The following IQGAP3 variants were observed in gnomAD, a reference collection of about 807,000 sequenced individuals.
IQGAP3 encodes IQ motif containing GTPase activating protein 3, also known as ras GTPase-activating-like protein IQGAP3.
In IQGAP3, 165 loss-of-function variants were observed where a neutral mutation model predicts 208.2. The ratio of observed to expected loss-of-function variants is 0.79; its 90% CI spans 0.70 to 0.90. IQGAP3 has a LOEUF of 0.90. Among genes scored for constraint, IQGAP3 ranks in the 40% least tolerant of loss-of-function variants. IQGAP3 has a pLI of 0.00. For missense variants in IQGAP3, 1,811 were observed against 2,043.1 expected (o/e 0.89, Z 2.19); for synonymous variants, 703 against 803.6 (o/e 0.87, Z 2.12).
intron 27 of IQGAP3, among the ~76,000 whole-genome samples, chr1:156,536,023 TC>T (rs1481497051): frequency 3.9e-5 from 6 of 152,236 alleles, no homozygotes; most frequent in African/African-American, 1.4e-4. Context: ...GTAATTAAAT[TC>T]ATTTAAAAGC....
At chr1:156,561,711 A>G (rs1441674633) in intron 10 of IQGAP3, 127 bp downstream of exon 10, 2 of 930,514 alleles carry the variant, frequency 2.1e-6, no homozygotes, top group Non-Finnish European at 3.3e-6. Flanking sequence ...GGGGTGATTT[A>G]ACCATTTAAA....
chr1:156,571,734 T>C (rs1234620732), intron 1 of IQGAP3, among the ~76,000 whole-genome samples: 2 of 152,244 alleles, frequency 1.3e-5, no homozygotes, highest in African/African-American at 4.8e-5. Flanking sequence ...CTAGTTTTCC[T>C]TTAACAGAAG....
intron 11 of IQGAP3, among the ~76,000 whole-genome samples, chr1:156,559,829 T>C (rs1676063995): frequency 6.6e-6 from 1 of 152,074 alleles, no homozygotes; most frequent in Admixed American, 6.5e-5. Context: ...GACAAGGAGA[T>C]AGGACTAAAG....
rs1283974670 is a variant in IQGAP3, at chr1:156,534,586, C to T, written c.3655G>A (p.Ala1219Thr). Reference sequence around the variant, plus strand: ...CCAGAGAAGGCCTTGCCAGCCGCAGCGTGCTGTAGGAGCTGAGCCACAGCC... The same window carrying T: ...CCAGAGAAGGCCTTGCCAGCCGCAGTGTGCTGTAGGAGCTGAGCCACAGCC... ...LGAVAQLLQH[A>T]AAGKAFSGQS... Residue 1219 changes from alanine (A) to threonine (T), a missense_variant, in exon 29 of 38, where the codon GCT becomes ACT. Ala to Thr is a moderately conservative substitution (Grantham distance 58). Transcript: ENST00000361170. 6 of 1,612,134 alleles carry T rather than the reference C, an allele frequency of 3.7e-6. No individual in the cohort carries two copies. Among genetic ancestry groups the T allele is most frequent in the Admixed American group, 3.3e-5 (2 of 59,846 alleles).
chr1:156,554,283 A>T lies in IQGAP3; in HGVS notation c.1400T>A (p.Val467Glu), dbSNP rs747422782. The stretch of plus-strand genomic sequence containing the variant: ...CTCAGCCAGGCCTGTGGCAGGGTTC[A>T]CCAGGCTGCTCCAGAAGCCACTGGC... ...RDASGFWSSL[V>E]NPATGLAEVE... Residue 467 changes from valine (V) to glutamate (E), a missense_variant, in exon 13 of 38, where the codon GTG becomes GAG. Val to Glu is a moderately radical substitution (Grantham distance 121). Transcript: ENST00000361170. 2.3e-5 allele frequency: 37 copies of T among 1,613,832 alleles called. 1 individual carries two copies. The highest frequency in any genetic ancestry group is 3.1e-5 in the Non-Finnish European group (37 of 1,179,972).
chr1:156,551,453 C>T (rs1307673159), intron 15 of IQGAP3, among the ~76,000 whole-genome samples: 1 of 152,150 alleles, frequency 6.6e-6, no homozygotes, highest in Non-Finnish European at 1.5e-5. Context: ...TGCTCAAGGT[C>T]ACATGGTCAC....
At chr1:156,561,722 C>T in intron 10 of IQGAP3, 116 bp downstream of exon 10, 1 of 1,019,334 alleles carries the variant, frequency 9.8e-7, no homozygotes, top group Non-Finnish European at 1.5e-6. Flanking sequence ...ACCATTTAAA[C>T]ACGTAGTCAG....
At chr1:156,572,134 G>A (rs937925743) in intron 1 of IQGAP3, among the ~76,000 whole-genome samples, 12 of 152,326 alleles carry the variant, frequency 7.9e-5, no homozygotes, top group Admixed American at 5.2e-4. Context: ...GATCCCTTGA[G>A]GCGTCTTGTC....
rs1674255418 is a variant in IQGAP3, at chr1:156,529,073, T to G, written c.4414A>C (p.Asn1472His). Residue 1472 changes from asparagine to histidine, a missense_variant, in exon 35 of 38, where the codon AAC becomes CAC. Physicochemically the swap from Asn to His is moderately conservative, Grantham distance 68. Coordinates refer to ENST00000361170, the MANE Select transcript of IQGAP3 (RefSeq NM_178229.5). ...CGCCTGTGCCTGTGTCTGTGCTGGTTGCGGATGTCCTGGGGTTGGGGAACA... is the reference window on the plus strand; with the variant it reads ...CGCCTGTGCCTGTGTCTGTGCTGGTGGCGGATGTCCTGGGGTTGGGGAACA... The part of the protein sequence containing the change: ...LVDELAKDIR[N>H]QHRHRHRRKA... 1 of 1,614,126 alleles carries G rather than the reference T, an allele frequency of 6.2e-7. No homozygotes were observed. Among genetic ancestry groups the G allele is most frequent in the Non-Finnish European group, 8.5e-7 (1 of 1,179,968 alleles).
In IQGAP3 at chr1:156,548,140, A is replaced by G. The variant is rs1330269075; in HGVS notation, c.2237T>C (p.Val746Ala). ...GGAATGCTCAGCAAACTTCTGCCGA[A>G]CTAGGAAGCCACGGAGGCGGGCCTG... ...QLQARLRGFL[V>A]RQKFAEHSHF... The change falls in exon 19 of 38, where the codon GTT becomes GCT. Residue 746 changes from valine to alanine, a missense_variant. Physicochemically the swap from Val to Ala is moderately conservative, Grantham distance 64. Transcript: ENST00000361170. 1.2e-6 allele frequency: 2 copies of G among 1,614,010 alleles called. No homozygotes were observed. The highest frequency in any genetic ancestry group is 3.3e-5 in the Admixed American group (2 of 60,002).
At chr1:156,532,941 G>A in intron 32 of IQGAP3, 39 bp downstream of exon 32, 1 of 1,612,722 alleles carries the variant, frequency 6.2e-7, no homozygotes, top group East Asian at 2.2e-5. Context: ...CAGGGCTGGG[G>A]AGCTCAGGTA....
intron 7 of IQGAP3, 108 bp downstream of exon 7, chr1:156,563,445 C>A: frequency 7.6e-7 from 1 of 1,323,222 alleles, no homozygotes; most frequent in Non-Finnish European, 1.0e-6. Flanking sequence ...AGCCTGATGG[C>A]CCTATCTGTG....
At chr1:156,541,236 CCT>C (rs1674961864) in intron 22 of IQGAP3, among the ~76,000 whole-genome samples, 1 of 151,980 alleles carries the variant, frequency 6.6e-6, no homozygotes, top group Non-Finnish European at 1.5e-5. Flanking sequence ...CTCTGATTAT[CCT>C]CCCAGACCTC....
chr1:156,538,961 G>A lies in IQGAP3; in HGVS notation c.3129C>T (p.Tyr1043=), dbSNP rs1238641713. ...PTVVRLVVRF[Y]RNGRGQSALQ... ...GGGCACTCTGTCCCCGCCCATTACG[G>A]TAGAATCTCACCACCAGCCTCACCA... The change falls in exon 26 of 38, where the codon TAC becomes TAT. Residue 1043 remains tyrosine, a synonymous_variant. Coordinates refer to ENST00000361170, the MANE Select transcript of IQGAP3 (RefSeq NM_178229.5). 6.2e-7 allele frequency: 1 copy of A among 1,614,008 alleles called. No individual in the cohort carries two copies. The highest frequency in any genetic ancestry group is 8.5e-7 in the Non-Finnish European group (1 of 1,180,004).
intron 5 of IQGAP3, among the ~76,000 whole-genome samples, chr1:156,564,052 G>A (rs1676288479): frequency 6.6e-6 from 1 of 152,152 alleles, no homozygotes; most frequent in African/African-American, 2.4e-5. Flanking sequence ...GGATTAGGAA[G>A]GCTTCACAGA....
chr1:156,551,607 T>C, intron 15 of IQGAP3, 98 bp downstream of exon 15: 1 of 1,261,150 alleles, frequency 7.9e-7, no homozygotes, highest in South Asian at 1.6e-5. Context: ...GAAGCCATTG[T>C]GTCCATCAGA....
intron 22 of IQGAP3, among the ~76,000 whole-genome samples, chr1:156,542,479 C>T (rs1675033595): frequency 2.0e-5 from 3 of 152,208 alleles, no homozygotes; most frequent in African/African-American, 4.8e-5. Flanking sequence ...TGTGAGCCAC[C>T]AGGCCCGGCC....
chr1:156,532,830 AG>A, intron 32 of IQGAP3, 149 bp downstream of exon 32: 1 of 728,154 alleles, frequency 1.4e-6, no homozygotes, highest in Non-Finnish European at 2.2e-6. Context: ...GGCTGCAGCG[AG>A]GGGAATAAAG....
At chr1:156,566,858 A>G (rs1046552968) in intron 2 of IQGAP3, among the ~76,000 whole-genome samples, 20 of 146,782 alleles carry the variant, frequency 1.4e-4, no homozygotes, top group Admixed American at 8.1e-4. Context: ...GTCTAGTTAC[A>G]TGCTTTTTTT....
Sources: gnomAD v4.1 joint callset for allele counts (sites outside exome capture counted in the v4.1 genomes callset) on GRCh38, gnomAD v4.1.1 for gene constraint, MANE v1.5 for transcripts, NCBI Gene and HGNC (gene_info 2026-07-23, HGNC 2026-07-21) for gene names.